The following OFD1 variants were observed in gnomAD, a reference collection of about 807,000 sequenced individuals.
OFD1 encodes the protein OFD1 centriole and centriolar satellite protein, also known as centriole and centriolar satellite protein OFD1.
A neutral mutation model predicts 81.4 loss-of-function variants in OFD1; 12 were observed. The observed-to-expected ratio is 0.15, with a 90% CI of 0.09 to 0.24. OFD1 has a LOEUF of 0.24. Ranked by LOEUF, OFD1 falls within the 10% of genes least tolerant of loss-of-function variation. The probability of loss-of-function intolerance (pLI) is 1.00; values close to 1 mark genes in which losing one functional copy is unlikely to be tolerated. For missense variants in OFD1, 685 were observed against 733.9 expected, an observed-to-expected ratio of 0.93 and a Z score of 0.77; for synonymous variants, 256 against 263.7, an observed-to-expected ratio of 0.97 and a Z score of 0.28.
the OFD1 span, among the ~76,000 whole-genome samples, chrX:13,726,278 G>A: frequency 7.2e-5 from 8 of 111,286 alleles, no homozygotes; most frequent in African/African-American, 9.8e-5. Flanking sequence ...GATACTCCTC[G>A]AGAAGAGGAA....
chrX:13,762,122 A>G (rs772783122), intron 17 of OFD1, among the ~76,000 whole-genome samples: 4 of 111,061 alleles, frequency 3.6e-5, no homozygotes, highest in African/African-American at 1.3e-4. Flanking sequence ...CAACTGTAGT[A>G]CCTACTTCAC....
rs2047885864 is a variant in OFD1, at chrX:13,760,513, A to G, written c.2053A>G (p.Ser685Gly). ...LLEAFKNITS[S>G]SPERHIFGED... ...GGAAGCCTTCAAAAACATTACTTCC[A>G]GTTCCCCGGAAAGACATATTTTTGG... Residue 685 changes from serine (S) to glycine (G), a missense_variant, in exon 16 of 23, where the codon AGT becomes GGT. Around this residue, in one of 3 missense-constraint regions of OFD1, gnomAD observed 259 missense variants for 254.4 expected, o/e 1.02. Transcript: ENST00000340096. 1 of 1,167,385 alleles carries G rather than the reference A, an allele frequency of 8.6e-7. No homozygotes were observed.
intron 9 of OFD1, among the ~76,000 whole-genome samples, chrX:13,750,627 A>G (rs912223005): frequency 2.7e-5 from 3 of 111,773 alleles, no homozygotes; most frequent in South Asian, 3.7e-4. Context: ...TATTCAATCA[A>G]TAGGGTTTTT....
At chrX:13,768,654 A>ATT in intron 21 of OFD1, 64 bp from the exon 22 acceptor site, 1 of 861,289 alleles carries the variant, frequency 1.2e-6, no homozygotes, top group Admixed American at 2.2e-5. Context: ...AATGGTTCTT[A>ATT]AAGTATTTCA....
At chrX:13,767,898 T>C in intron 20 of OFD1, 156 bp from the exon 21 acceptor site, 1 of 491,958 alleles carries the variant, frequency 2.0e-6, no homozygotes, top group Admixed American at 3.8e-5. Flanking sequence ...ATATTTGTCT[T>C]CCTTTGATGA....
intron 3 of OFD1, among the ~76,000 whole-genome samples, chrX:13,738,197 A>G (rs776217261): frequency 9.8e-5 from 11 of 112,194 alleles, no homozygotes; most frequent in East Asian, 2.8e-4. Context: ...ATCACTTTAT[A>G]CTTTTACTTA....
the OFD1 span, among the ~76,000 whole-genome samples, chrX:13,728,231 T>A: frequency 8.9e-6 from 1 of 111,835 alleles, no homozygotes; most frequent in South Asian, 3.7e-4. Context: ...AAAGAGGGAA[T>A]CCTCCCTAAC....
intron 3 of OFD1, 126 bp from the exon 4 acceptor site, chrX:13,738,720 A>G (rs2046972029): frequency 6.2e-6 from 3 of 481,807 alleles, no homozygotes; most frequent in Non-Finnish European, 7.2e-6. Context: ...TTGCTTTATT[A>G]GCATAGTTAT....
At chrX:13,747,076 G>A (rs2047325140) in intron 8 of OFD1, 123 bp downstream of exon 8, 1 of 633,439 alleles carries the variant, frequency 1.6e-6, no homozygotes, top group Non-Finnish European at 2.6e-6. Flanking sequence ...TAGGGACTGG[G>A]GCCAAGAGTG....
At chrX:13,770,860 T>C (rs1689115951), downstream of OFD1, among the ~76,000 whole-genome samples, 1 of 112,455 alleles carries the variant, frequency 8.9e-6, no homozygotes, top group African/African-American at 3.2e-5. Context: ...ATGTGAAATC[T>C]TGACTCTGCA....
downstream of OFD1, chrX:13,771,914 A>G (rs1490632800): frequency 4.4e-5 from 5 of 112,402 alleles, no homozygotes; most frequent in East Asian, 2.8e-4. Flanking sequence ...TCTGTGGTCA[A>G]TTTGCAATTA....
chrX:13,762,840 A>G (rs924149919), intron 18 of OFD1, among the ~76,000 whole-genome samples: 4 of 111,093 alleles, frequency 3.6e-5, no homozygotes, highest in Non-Finnish European at 3.8e-5. Context: ...GCTCACTGCA[A>G]TCTCCCTCCT....
upstream of OFD1, among the ~76,000 whole-genome samples, chrX:13,730,466 G>A (rs184832144): frequency 5.4e-5 from 6 of 112,138 alleles, no homozygotes; most frequent in East Asian, 1.7e-3. Context: ...TACACTGTTG[G>A]TGGGAGTGTA....
At chrX:13,739,719 G>A (rs1455480610) in intron 5 of OFD1, 2 of 481,443 alleles carry the variant, frequency 4.2e-6, no homozygotes, top group African/African-American at 2.7e-5. Flanking sequence ...TTGCACTCCT[G>A]CCTGGGCAAC....
the OFD1 span, among the ~76,000 whole-genome samples, chrX:13,717,391 T>C: frequency 8.9e-6 from 1 of 112,160 alleles, no homozygotes; most frequent in Non-Finnish European, 1.9e-5. Context: ...CTGACCATAA[T>C]GTGAAGACGG....
At chrX:13,736,296 G>A (rs1303595379) in intron 2 of OFD1, 182 bp from the exon 3 acceptor site, 6 of 1,063,508 alleles carry the variant, frequency 5.6e-6, no homozygotes, top group Non-Finnish European at 7.2e-6. Context: ...TGTCTCACGG[G>A]GTAAGACAAA....
chrX:13,734,759 G>A lies in OFD1; in HGVS notation c.-313G>A. The A allele has an allele frequency of 1.9e-6, 2 of 1,046,589 alleles. No individual in the cohort carries two copies. Among genetic ancestry groups the A allele is most frequent in the Non-Finnish European group, 1.2e-6 (1 of 819,697 alleles). The allele number at this position is 1,046,589 out of a possible 1,213,427, so 86.3% of individuals were successfully genotyped here. A position where few individuals can be genotyped will look rare whatever the true frequency, so the allele number is the denominator to read the frequency against. On this transcript the variant is annotated 5_prime_UTR_variant, in exon 1 of 23. Coordinates refer to ENST00000340096, the MANE Select transcript of OFD1 (RefSeq NM_003611.3). Reference sequence around the variant, plus strand: ...CCGGAAGTTGCCGGACTGGCTGTGAGGCGGTCCTGCCTCGCTGCCTTCAGT... The same window carrying A: ...CCGGAAGTTGCCGGACTGGCTGTGAAGCGGTCCTGCCTCGCTGCCTTCAGT...
intron 10 of OFD1, chrX:13,752,942 A>G (rs961203688): frequency 1.1e-6 from 1 of 905,434 alleles, no homozygotes; most frequent in Non-Finnish European, 1.4e-6. Flanking sequence ...GTCCCTGAGC[A>G]CAAAAGTTCT....
Position 13,736,460 on chromosome X carries a change from G to C in OFD1, c.112-18G>C. ...TCCCTTGTGTTTCTTTTTTATTTTTGTTTTTATTTTATGCTAGACACAACT... is the reference window on the plus strand; with the variant it reads ...TCCCTTGTGTTTCTTTTTTATTTTTCTTTTTATTTTATGCTAGACACAACT... On this transcript the variant is annotated intron_variant, in intron 2 of 22. Coordinates refer to ENST00000340096, the MANE Select transcript of OFD1 (RefSeq NM_003611.3). 1 of 1,203,460 alleles carries C rather than the reference G, an allele frequency of 8.3e-7. No individual in the cohort carries two copies. Among genetic ancestry groups the C allele is most frequent in the Non-Finnish European group, 1.1e-6 (1 of 888,392 alleles).
Sources: gnomAD v4.1 joint callset for allele counts (sites outside exome capture counted in the v4.1 genomes callset) on GRCh38, gnomAD v4.1.1 for gene constraint, gnomAD v4.1.1 regional missense constraint, MANE v1.5 for transcripts, NCBI Gene and HGNC (gene_info 2026-07-23, HGNC 2026-07-21) for gene names.